The following CLVS1 variants were observed in gnomAD, a reference collection of about 807,000 sequenced individuals.
CLVS1 encodes clavesin-1.
CLVS1 carries 10 observed loss-of-function variants against 33.1 expected under a neutral mutation model. That is an observed-to-expected ratio of 0.30 (90% confidence interval 0.19 to 0.51). The LOEUF (loss-of-function observed/expected upper bound fraction) is 0.51. Ranked by LOEUF, CLVS1 falls within the 20% of genes least tolerant of loss-of-function variation. The pLI, the probability that CLVS1 is intolerant of heterozygous loss-of-function variation, is 0.97. For synonymous variants in CLVS1, 163 were observed against 166.1 expected, an observed-to-expected ratio of 0.98 and a Z score of 0.14; for missense variants, 343 against 433.4, an observed-to-expected ratio of 0.79 and a Z score of 1.85.
In CLVS1 at chr8:61,458,499, T is replaced by A. The variant is rs775886309; in HGVS notation, c.934T>A (p.Ser312Thr). 1.2e-6 allele frequency: 2 copies of A among 1,613,532 alleles called. No homozygotes were observed. Among genetic ancestry groups the A allele is most frequent in the Non-Finnish European group, 1.7e-6 (2 of 1,179,784 alleles). ...TAATGCAATGCACGTGAAGCATACG[T>A]CCTCGAATCTGGAGAGAGAATGCTC... ...SYNAMHVKHTSSNLERECSPK... is the reference protein window; with the variant it reads ...SYNAMHVKHTTSNLERECSPK... The change falls in exon 5 of 6, where the codon TCC becomes ACC. Residue 312 changes from serine (S) to threonine (T), a missense_variant. Ser to Thr is a moderately conservative substitution (Grantham distance 58). Around this residue, in one of 4 missense-constraint regions of CLVS1, gnomAD observed 86 missense variants for 95.0 expected, o/e 0.91. Coordinates refer to ENST00000325897, the MANE Select transcript of CLVS1 (RefSeq NM_173519.3).
the CLVS1 span, among the ~76,000 whole-genome samples, chr8:61,035,985 A>C: frequency 6.6e-6 from 1 of 152,096 alleles, no homozygotes; most frequent in African/African-American, 2.4e-5. Flanking sequence ...GCCTCCACAG[A>C]CTTTCTTTCC....
upstream of CLVS1, among the ~76,000 whole-genome samples, chr8:61,052,706 G>A (rs1392282421): frequency 6.6e-6 from 1 of 152,156 alleles, no homozygotes; most frequent in African/African-American, 2.4e-5. Flanking sequence ...AATGGGGATG[G>A]GTGGCCAAGA....
chr8:60,990,616 A>G, the CLVS1 span, among the ~76,000 whole-genome samples: 4 of 152,150 alleles, frequency 2.6e-5, no homozygotes, highest in African/African-American at 9.7e-5. Context: ...AATTTGAGAG[A>G]ATAGGATAGA....
At chr8:61,059,475 C>CATATATATATATATATATAT (rs56322834) in intron 1 of CLVS1, among the ~76,000 whole-genome samples, 7,326 of 49,480 alleles carry the variant, frequency 0.15, 1,425 homozygotes, top group Non-Finnish European at 0.22. Flanking sequence ...TACATACATA[C>CATATATATATATATATATAT]ATATATATAT....
chr8:61,382,584 G>A (rs910460756), intron 3 of CLVS1, among the ~76,000 whole-genome samples: 2 of 152,284 alleles, frequency 1.3e-5, no homozygotes, highest in East Asian at 3.9e-4. Context: ...AGTTTGAGAA[G>A]CCCTGCCCTA....
the CLVS1 span, among the ~76,000 whole-genome samples, chr8:61,022,784 A>G: frequency 3.3e-5 from 5 of 152,210 alleles, no homozygotes; most frequent in Non-Finnish European, 7.3e-5. Context: ...AACAATAGAG[A>G]GTGGTACACA....
chr8:61,498,654 A>T (rs1457136795), intron 5 of CLVS1, among the ~76,000 whole-genome samples: 2 of 152,236 alleles, frequency 1.3e-5, no homozygotes, highest in African/African-American at 2.4e-5. Context: ...GTATTGCAAT[A>T]GTGGTTGGTC....
rs367832308 is a variant in CLVS1, at chr8:61,089,051, C to T, written c.-243+31821C>T. Reference sequence around the variant, plus strand: ...TCTCCTGACCTCGTGATCTGCCCGCCTCGTCCTCCCGAAGTGCTGGATTAC... The same window carrying T: ...TCTCCTGACCTCGTGATCTGCCCGCTTCGTCCTCCCGAAGTGCTGGATTAC... On this transcript the variant is annotated intron_variant, in intron 1 of 2. Coordinates refer to the CLVS1 transcript ENST00000522621. 8.5e-5 allele frequency among the ~76,000 whole-genome samples: 13 copies of T among 152,234 alleles called. No homozygotes were observed. In the South Asian group the frequency reaches 1.9e-3, roughly 22 times the overall value.
At chr8:61,163,289 C>T (rs1806787297) in intron 2 of CLVS1, among the ~76,000 whole-genome samples, 1 of 152,182 alleles carries the variant, frequency 6.6e-6, no homozygotes, top group South Asian at 2.1e-4. Context: ...TCCACACCTT[C>T]TTTGGGAATG....
the CLVS1 span, among the ~76,000 whole-genome samples, chr8:61,018,788 G>C: frequency 2.0e-5 from 3 of 152,158 alleles, no homozygotes; most frequent in Non-Finnish European, 4.4e-5. Flanking sequence ...GTGGAAAAGG[G>C]GTTTTCTACA....
In CLVS1 at chr8:61,205,201, A is replaced by T. The variant is rs552603422; in HGVS notation, c.-152+73341A>T. Among the ~76,000 whole-genome samples, 8 of 152,298 alleles carry T rather than the reference A, an allele frequency of 5.3e-5. No individual in the cohort carries two copies. In the East Asian group the frequency reaches 1.5e-3, roughly 29 times the overall value. Reference sequence around the variant, plus strand: ...TTAAGTTTACAGTTCTGTGGCATTAAGTCCGTTCCCATTTTTGTGCAATGA... The same window carrying T: ...TTAAGTTTACAGTTCTGTGGCATTATGTCCGTTCCCATTTTTGTGCAATGA... On this transcript the variant is annotated intron_variant, in intron 2 of 2. Coordinates refer to the CLVS1 transcript ENST00000522621.
At chr8:61,027,199 G>A in the CLVS1 span, among the ~76,000 whole-genome samples, 261 of 152,268 alleles carry the variant, frequency 1.7e-3, 1 homozygote, top group African/African-American at 5.9e-3. Context: ...CATCCCCCAA[G>A]AGTGAGACAA....
intron 2 of CLVS1, among the ~76,000 whole-genome samples, chr8:61,328,787 C>G (rs1036364441): frequency 1.3e-5 from 2 of 152,126 alleles, no homozygotes; most frequent in Non-Finnish European, 2.9e-5. Context: ...AAAGATTTGT[C>G]TTTTGTTATT....
rs182940560 is a variant in CLVS1, at chr8:61,183,551, C to A, written c.-152+51691C>A. Among the ~76,000 whole-genome samples, 6 of 152,140 alleles carry A rather than the reference C, an allele frequency of 3.9e-5. No homozygotes were observed. In the East Asian group the frequency reaches 1.2e-3, roughly 29 times the overall value. On this transcript the variant is annotated intron_variant, in intron 2 of 2. Coordinates refer to the CLVS1 transcript ENST00000522621. ...GAGGTGAATAAATGGTGTTGTTACA[C>A]GCAGCTGAATTTTGGGGTGGTTTGT...
chr8:61,178,697 A>T (rs942284967), intron 2 of CLVS1, among the ~76,000 whole-genome samples: 4 of 152,230 alleles, frequency 2.6e-5, no homozygotes, highest in Non-Finnish European at 4.4e-5. Flanking sequence ...AATATTCAAC[A>T]TTCTTAAAGA....
chr8:61,470,224 T>C (rs1473438979), intron 5 of CLVS1, among the ~76,000 whole-genome samples: 1 of 152,162 alleles, frequency 6.6e-6, no homozygotes, highest in Non-Finnish European at 1.5e-5. Context: ...CTGTGTAACA[T>C]TGGAGTGAAA....
intron 2 of CLVS1, among the ~76,000 whole-genome samples, chr8:61,374,064 G>A (rs1188297153): frequency 6.6e-6 from 1 of 152,190 alleles, no homozygotes; most frequent in African/African-American, 2.4e-5. Context: ...CTGTCATGGT[G>A]CCAGTGGTTA....
intron 3 of CLVS1, among the ~76,000 whole-genome samples, chr8:61,386,990 T>A (rs907142290): frequency 3.3e-5 from 5 of 152,222 alleles, no homozygotes; most frequent in African/African-American, 1.2e-4. Context: ...ACTAAAGACC[T>A]TGGACTTTTT....
In CLVS1 at chr8:61,231,286, G is replaced by GCACACACA. The variant is rs4033613; in HGVS notation, c.-151-68377_-151-68370dup. Among the ~76,000 whole-genome samples the GCACACACA allele has an allele frequency of 4.0e-3, 599 of 150,074 alleles. 2 individuals are homozygous for GCACACACA. Among genetic ancestry groups the GCACACACA allele is most frequent in the African/African-American group, 0.012 (495 of 40,486 alleles). On this transcript the variant is annotated intron_variant, in intron 2 of 2. Coordinates refer to the CLVS1 transcript ENST00000522621. ...CCCATGCATATAGGCACCTGTGCTT[G>GCACACACA]CACACACACACACACACACACTCTA...
Sources: gnomAD v4.1 joint callset for allele counts (sites outside exome capture counted in the v4.1 genomes callset) on GRCh38, gnomAD v4.1.1 for gene constraint, gnomAD v4.1.1 regional missense constraint, MANE v1.5 for transcripts, NCBI Gene and HGNC (gene_info 2026-07-23, HGNC 2026-07-21) for gene names.